The following FBN3 variants were observed in gnomAD, a reference collection of about 807,000 sequenced individuals.
The protein encoded by FBN3 is fibrillin 3.
FBN3 carries 234 observed loss-of-function variants against 330.1 expected under a neutral mutation model. That is an observed-to-expected ratio of 0.71 (90% confidence interval 0.64 to 0.79). The LOEUF (loss-of-function observed/expected upper bound fraction) is 0.79, where lower values mean the gene tolerates loss of function less well. FBN3 is among the 30% of genes least tolerant of loss of function. FBN3 has a pLI of 0.00. For missense variants in FBN3, 3,606 were observed against 3,886.9 expected, an observed-to-expected ratio of 0.93 and a Z score of 1.92; for synonymous variants, 1,458 against 1,517.3, an observed-to-expected ratio of 0.96 and a Z score of 0.91.
rs760898849 is a variant in FBN3 at position 8,111,122 on chromosome 19, G to C, written c.4146C>G (p.Pro1382=). The C allele has an allele frequency of 6.2e-7, 1 of 1,613,292 alleles. No homozygotes were observed. The highest frequency in any genetic ancestry group is 1.7e-5 in the Admixed American group (1 of 59,968). Residue 1382 remains proline, a synonymous_variant, in exon 33 of 64, where the codon CCC becomes CCG. Transcript: ENST00000600128. ...LCDNGQCLNA[P]GGYRCECEMG... ...TCTCACATTCACAGCGGTACCCGCC[G>C]GGCGCATTGAGGCACTGCCCGTTGT... is the stretch of plus-strand genomic sequence containing the variant.
At position 8,089,580 on chromosome 19, in the gene FBN3, C is replaced by G. The variant is rs2082046350; in HGVS notation, c.6341G>C (p.Gly2114Ala). ...GATGCCAGTGAAGTCCAGGCTGTAG[C>G]CAAAGGGACACTCACAGCGGAAGGA... ...DGSFRCECPFGYSLDFTGINC... is the reference protein window; with the variant it reads ...DGSFRCECPFAYSLDFTGINC... Residue 2114 changes from glycine to alanine, a missense_variant, in exon 51 of 64, where the codon GGC becomes GCC. By Grantham distance (60) the Gly-to-Ala change is moderately conservative. Transcript: ENST00000600128. 1 of 1,614,188 alleles carries G rather than the reference C, an allele frequency of 6.2e-7. No homozygotes were observed. Among genetic ancestry groups the G allele is most frequent in the Middle Eastern group, 1.7e-4 (1 of 6,060 alleles).
chr19:8,086,953 G>T (rs898960090), intron 54 of FBN3, 124 bp downstream of exon 54: 7 of 1,216,714 alleles, frequency 5.8e-6, no homozygotes, highest in Non-Finnish European at 7.8e-6. Flanking sequence ...CGATCCTCTC[G>T]CCTCAGCCTC....
intron 41 of FBN3, among the ~76,000 whole-genome samples, chr19:8,100,345 C>T (rs978522924): frequency 4.0e-5 from 6 of 150,904 alleles, no homozygotes; most frequent in Non-Finnish European, 5.9e-5. Flanking sequence ...GATACTTTCT[C>T]GGAGACAAAA....
intron 18 of FBN3, 106 bp from the exon 19 acceptor site, chr19:8,126,938 C>A: frequency 7.6e-7 from 1 of 1,307,244 alleles, no homozygotes; most frequent in East Asian, 2.5e-5. Context: ...GCACGGGGTG[C>A]ACCCAGATGC....
Position 8,121,298 on chromosome 19 carries a change from G to A in FBN3, c.3171C>T (p.Pro1057=), listed in dbSNP as rs150661557. The A allele has an allele frequency of 3.5e-4, 567 of 1,612,784 alleles. 1 individual carries two copies. The African/African-American group carries it at 5.3e-3, about 15-fold the overall frequency. Reference sequence around the variant, plus strand: ...TCAGCATGAAGCCACTCTCGTAGCCGGGAAAACACTCGCACTCAAAGCTGC... The same window carrying A: ...TCAGCATGAAGCCACTCTCGTAGCCAGGAAAACACTCGCACTCAAAGCTGC... ...TPGSFECECF[P]GYESGFMLMK... is the part of the protein sequence containing the mutation. The change falls in exon 25 of 64, where the codon CCC becomes CCT. Residue 1057 remains proline, a synonymous_variant. Coordinates refer to ENST00000600128, the MANE Select transcript of FBN3 (RefSeq NM_032447.5). The surrounding 1 kb of genome is among the most constrained non-coding windows in gnomAD (Gnocchi z 4.5).
At chr19:8,103,511 C>T (rs1368162626) in intron 39 of FBN3, 51 bp downstream of exon 39, 6 of 1,590,722 alleles carry the variant, frequency 3.8e-6, no homozygotes, top group Admixed American at 1.7e-5. Context: ...CCTCCCATGC[C>T]CAGGTGCTGC....
intron 13 of FBN3, 25 bp downstream of exon 13, chr19:8,135,936 G>GGGGGGGGGGGGGCCCCCCCCCCCCCCCC: frequency 1.0e-5 from 7 of 668,722 alleles, no homozygotes; most frequent in East Asian, 7.9e-5. Flanking sequence ...GGAAGCCCCT[G>GGGGGGGGGGGGGCCCCCCCCCCCCCCCC]CCCACCCGCC....
At chr19:8,083,156 A>T (rs765852429) in intron 57 of FBN3, 91 bp downstream of exon 57, 9 of 1,490,326 alleles carry the variant, frequency 6.0e-6, no homozygotes, top group Non-Finnish European at 8.3e-6. Context: ...TAACATTGCA[A>T]AGTGGAAAGT....
intron 58 of FBN3, 101 bp from the exon 59 acceptor site, chr19:8,081,220 G>C (rs2081774639): frequency 4.0e-6 from 6 of 1,494,130 alleles, no homozygotes; most frequent in Admixed American, 1.8e-5. Context: ...GGGGTGACAA[G>C]AGAAAGACCT....
At chr19:8,147,235 T>TC (rs2083570212) in intron 2 of FBN3, 49 bp from the exon 3 acceptor site, 1 of 1,556,410 alleles carries the variant, frequency 6.4e-7, no homozygotes, top group Non-Finnish European at 8.7e-7. Context: ...CGTGTGGACA[T>TC]CCCCCCGGGT....
In FBN3 at chr19:8,115,441, T is replaced by C; in HGVS notation, c.3838+74A>G. On this transcript the variant is annotated intron_variant, in intron 30 of 63. Coordinates refer to ENST00000600128, the MANE Select transcript of FBN3 (RefSeq NM_032447.5). ...TCTGGCTGTGCTCTGCCCTGGGGGA[T>C]GGAAACAGACCCCATGATTCCCAAA... is the stretch of plus-strand genomic sequence containing the variant. 7 of 1,546,314 alleles carry C rather than the reference T, an allele frequency of 4.5e-6. No homozygotes were observed. The East Asian group carries it at 6.8e-5, about 15-fold the overall frequency.
chr19:8,117,441 C>G, intron 27 of FBN3, 23 bp downstream of exon 27: 2 of 1,559,392 alleles, frequency 1.3e-6, no homozygotes, highest in Non-Finnish European at 1.7e-6. Flanking sequence ...TGCCCAGGGG[C>G]CAGCAGGTGG....
chr19:8,075,163 C>A lies in FBN3; in HGVS notation c.7610G>T (p.Arg2537Leu), dbSNP rs200311384. The A allele has an allele frequency of 1.3e-6, 2 of 1,569,702 alleles. No individual in the cohort carries two copies. The highest frequency in any genetic ancestry group is 1.8e-5 in the Admixed American group (1 of 54,374). ...CTGGTTCTGACAGCCATGCTGGCAGCGGTGGGGCCCATCACATTCATTCAC... is the reference window on the plus strand; with the variant it reads ...CTGGTTCTGACAGCCATGCTGGCAGAGGTGGGGCCCATCACATTCATTCAC... ...EDVNECDGPH[R>L]CQHGCQNQLG... The change falls in exon 61 of 64, where the codon CGC (arginine) becomes CTC (leucine). Residue 2537 changes from arginine (R) to leucine (L), a missense_variant. Arg to Leu is a moderately radical substitution (Grantham distance 102). Coordinates refer to ENST00000600128, the MANE Select transcript of FBN3 (RefSeq NM_032447.5).
intron 59 of FBN3, among the ~76,000 whole-genome samples, chr19:8,080,420 C>A (rs2081749030): frequency 6.6e-6 from 1 of 152,174 alleles, no homozygotes; most frequent in African/African-American, 2.4e-5. Flanking sequence ...CAGGAGCGCT[C>A]TGGGGAGGCT....
chr19:8,136,310 C>A lies in FBN3; in HGVS notation c.1346-1G>T. Reference sequence around the variant, plus strand: ...GGGCTGCTGGTGCATTCGTCTACATCTGAGGGGAGAGGACCCTGAGCCCTA... The same window carrying A: ...GGGCTGCTGGTGCATTCGTCTACATATGAGGGGAGAGGACCCTGAGCCCTA... On this transcript the variant is annotated splice_acceptor_variant, in intron 11 of 63. Transcript: ENST00000600128. LOFTEE classifies it high-confidence loss of function. 6.2e-7 allele frequency: 1 copy of A among 1,602,130 alleles called. No homozygotes were observed. Among genetic ancestry groups the A allele is most frequent in the Non-Finnish European group, 8.5e-7 (1 of 1,174,376 alleles).
chr19:8,107,406 T>C (rs975804954), intron 37 of FBN3, among the ~76,000 whole-genome samples: 5 of 148,108 alleles, frequency 3.4e-5, no homozygotes, highest in Non-Finnish European at 6.0e-5. Context: ...AATGGTTGGA[T>C]GGGTGGAAGG....
At position 8,121,795 on chromosome 19, in the gene FBN3, G is replaced by A. The variant is rs2082858888; in HGVS notation, c.3083-409C>T. ...GACAGAGTCTTGCTCTGTCACCCAG[G>A]ATGGAGTGCAGTGATGCAATCTCGG... On this transcript the variant is annotated intron_variant, in intron 24 of 63. Coordinates refer to ENST00000600128, the MANE Select transcript of FBN3 (RefSeq NM_032447.5). This position sits in a 1 kb window ranked among gnomAD's most constrained non-coding sequence, Gnocchi z 4.5. Among the ~76,000 whole-genome samples the A allele has an allele frequency of 6.6e-6, 1 of 151,962 alleles. No individual in the cohort carries two copies. Among genetic ancestry groups the A allele is most frequent in the South Asian group, 2.1e-4 (1 of 4,814 alleles).
At position 8,124,219 on chromosome 19, in the gene FBN3, AT is replaced by A. The variant is rs141707675; in HGVS notation, c.2732-212del. Among the ~76,000 whole-genome samples, 26 of 151,786 alleles carry A rather than the reference AT, an allele frequency of 1.7e-4. No individual in the cohort carries two copies. The South Asian group carries it at 3.3e-3, about 20-fold the overall frequency. On this transcript the variant is annotated intron_variant, in intron 22 of 63. Coordinates refer to ENST00000600128, the MANE Select transcript of FBN3 (RefSeq NM_032447.5). ...CACTGTTCTAAGCCCCTCTATCCAT[AT>A]TTTTTTTACGTGATTGATTCATTGG...
intron 29 of FBN3, among the ~76,000 whole-genome samples, 163 bp downstream of exon 29, chr19:8,116,511 T>C (rs896958615): frequency 2.0e-5 from 3 of 152,194 alleles, no homozygotes; most frequent in African/African-American, 7.2e-5. Context: ...GACCCTTATG[T>C]GGAGAAGCAA....
Sources: allele counts gnomAD v4.1 joint callset (sites outside exome capture counted in the v4.1 genomes callset), GRCh38; gene constraint gnomAD v4.1.1; non-coding constraint Gnocchi (gnomAD v3.1); transcripts MANE v1.5; gene names NCBI Gene and HGNC (gene_info 2026-07-23, HGNC 2026-07-21).